PCDHGB2: variants seen among roughly 807,000 people sequenced by gnomAD.
PCDHGB2 encodes the protein protocadherin gamma-B2.
Under a neutral mutation model 59.3 loss-of-function variants are expected in PCDHGB2, and 55 were observed. That is an observed-to-expected ratio of 0.93 (90% CI 0.75 to 1.16). The LOEUF (loss-of-function observed/expected upper bound fraction) is 1.16, where lower values mean the gene tolerates loss of function less well. PCDHGB2 is among the 50% of genes most tolerant of loss of function. The probability of loss-of-function intolerance (pLI) is 0.00; values close to 1 mark genes in which losing one functional copy is unlikely to be tolerated. For synonymous variants in PCDHGB2, 516 were observed against 512.0 expected (o/e 1.01, Z -0.11); for missense variants, 1,228 against 1,198.5 (o/e 1.02, Z -0.36).
At chr5:141,478,733 T>C (rs1562072874) in intron 1 of PCDHGB2, 8 of 1,537,128 alleles carry the variant, frequency 5.2e-6, no homozygotes, top group Non-Finnish European at 7.0e-6. Context: ...AGAGTGTGGT[T>C]TGTGGTCCCA....
chr5:141,382,218 T>C (rs188591705), intron 1 of PCDHGB2, among the ~76,000 whole-genome samples: 1 of 152,328 alleles, frequency 6.6e-6, no homozygotes, highest in East Asian at 1.9e-4. Flanking sequence ...TAGGTCTATA[T>C]ATTTTACAAC....
chr5:141,403,341 C>T (rs1279947533), intron 1 of PCDHGB2: 1 of 1,613,988 alleles, frequency 6.2e-7, no homozygotes, highest in Non-Finnish European at 8.5e-7. Flanking sequence ...AACGACAGCG[C>T]CCCAAAGTTC....
intron 1 of PCDHGB2, among the ~76,000 whole-genome samples, chr5:141,467,486 T>A (rs985186472): frequency 6.6e-6 from 1 of 152,242 alleles, no homozygotes; most frequent in Non-Finnish European, 1.5e-5. Flanking sequence ...GGTTTCCACA[T>A]TTAGATCCCT....
chr5:141,502,487 C>A (rs563658817), intron 2 of PCDHGB2, among the ~76,000 whole-genome samples: 1 of 152,182 alleles, frequency 6.6e-6, no homozygotes, highest in Non-Finnish European at 1.5e-5. Context: ...CACACTGGGA[C>A]TCATCTAACG....
chr5:141,416,063 A>G (rs546746824), intron 1 of PCDHGB2: 201 of 176,914 alleles, frequency 1.1e-3, no homozygotes, highest in Non-Finnish European at 1.8e-3. Flanking sequence ...ATCCAAGAAT[A>G]CTCAATGCAG....
At chr5:141,386,994 AT>A (rs1291262145) in intron 1 of PCDHGB2, among the ~76,000 whole-genome samples, 1 of 152,224 alleles carries the variant, frequency 6.6e-6, no homozygotes, top group Non-Finnish European at 1.5e-5. Flanking sequence ...GCTATGTATT[AT>A]CCCCCTGATA....
intron 1 of PCDHGB2, among the ~76,000 whole-genome samples, chr5:141,435,715 A>T (rs528951395): frequency 5.9e-5 from 9 of 152,210 alleles, no homozygotes; most frequent in Non-Finnish European, 1.0e-4. Context: ...ACAGACACTG[A>T]ATGCTAAAGT....
rs754836894 is a variant in PCDHGB2, at chr5:141,432,969, C to A, written c.2422-61838C>A. 6.2e-7 allele frequency: 1 copy of A among 1,614,148 alleles called. No individual in the cohort carries two copies. Among genetic ancestry groups the A allele is most frequent in the East Asian group, 2.2e-5 (1 of 44,852 alleles). ...GGAGGCGGCTTGACAGGAGCGCCGG[C>A]GTCGCACTTTGTGGGCGTGGACGGG... is the stretch of plus-strand genomic sequence containing the variant. On this transcript the variant is annotated intron_variant, in intron 1 of 3. Coordinates refer to ENST00000522605, the MANE Select transcript of PCDHGB2 (RefSeq NM_018923.3). This position sits in a 1 kb window ranked among gnomAD's most constrained non-coding sequence, Gnocchi z 6.0.
At chr5:141,426,586 G>A (rs2096944939) in intron 1 of PCDHGB2, 1 of 363,442 alleles carries the variant, frequency 2.8e-6, no homozygotes, top group African/African-American at 2.1e-5. Flanking sequence ...AAAATCCTCT[G>A]TGTCATACCC....
chr5:141,415,134 C>T (rs760482028), intron 1 of PCDHGB2: 10 of 1,613,552 alleles, frequency 6.2e-6, no homozygotes, highest in South Asian at 3.3e-5. Context: ...TCCAGGACCA[C>T]GGCCAGCCCC....
chr5:141,423,035 C>T (rs1220219512), intron 1 of PCDHGB2: 2 of 1,614,214 alleles, frequency 1.2e-6, no homozygotes, highest in Admixed American at 3.3e-5. Flanking sequence ...GGCCAGAACG[C>T]CTGGCTGTCC....
At position 141,505,378 on chromosome 5, in the gene PCDHGB2, C is replaced by T. The variant is rs376550639; in HGVS notation, c.2481-15C>T. 2 of 1,614,034 alleles carry T rather than the reference C, an allele frequency of 1.2e-6. No homozygotes were observed. The highest frequency in any genetic ancestry group is 2.2e-5 in the East Asian group (1 of 44,872). On this transcript the variant is annotated splice_polypyrimidine_tract_variant and intron_variant, in intron 2 of 3. Transcript: ENST00000522605. ...GGCCTGGGAGTCTGTGCTCACCATC[C>T]TACTCTCTCCCCAGCTCCCAAAATG...
intron 1 of PCDHGB2, chr5:141,422,116 T>A (rs753281558): frequency 2.5e-6 from 4 of 1,604,730 alleles, no homozygotes; most frequent in Non-Finnish European, 3.4e-6. Context: ...CCAATTGGAT[T>A]CACAAACTGG....
chr5:141,474,908 T>C (rs1016814167), intron 1 of PCDHGB2, among the ~76,000 whole-genome samples: 7 of 152,242 alleles, frequency 4.6e-5, no homozygotes, highest in African/African-American at 1.4e-4. Flanking sequence ...TGTTCAAGGA[T>C]ATACATCTCA....
Position 141,423,433 on chromosome 5 carries a change from A to G in PCDHGB2, c.2421+60877A>G, listed in dbSNP as rs746170494. ...GGCTTCTGAAGGCGGGTTGGCAGGT[A>G]TGCCCACGTCACATTTTGTAGGCGT... On this transcript the variant is annotated intron_variant, in intron 1 of 3. Coordinates refer to ENST00000522605, the MANE Select transcript of PCDHGB2 (RefSeq NM_018923.3). 3.1e-6 allele frequency: 5 copies of G among 1,614,010 alleles called. No homozygotes were observed. The East Asian group carries it at 8.9e-5, about 29-fold the overall frequency.
chr5:141,465,761 G>A (rs1040750106), intron 1 of PCDHGB2, among the ~76,000 whole-genome samples: 2 of 151,634 alleles, frequency 1.3e-5, no homozygotes, highest in African/African-American at 4.8e-5. Flanking sequence ...GTAAAGTCAT[G>A]TTTCATCTCT....
Position 141,491,657 on chromosome 5 carries a change from A to T in PCDHGB2, c.2422-3150A>T. 1.2e-6 allele frequency: 2 copies of T among 1,613,740 alleles called. No homozygotes were observed. Among genetic ancestry groups the T allele is most frequent in the Non-Finnish European group, 1.7e-6 (2 of 1,180,006 alleles). On this transcript the variant is annotated intron_variant, in intron 1 of 3. Transcript: ENST00000522605. The surrounding 1 kb of genome is among the most constrained non-coding windows in gnomAD (Gnocchi z 6.9). ...CCCACAGCTCTGGCGCTGGAGCCTG[A>T]CGCCATCCGGTCCCGCTCTAATACG...
intron 1 of PCDHGB2, chr5:141,409,980 C>T (rs2095343394): frequency 6.2e-7 from 1 of 1,613,322 alleles, no homozygotes; most frequent in Non-Finnish European, 8.5e-7. Context: ...AAGGTGGTAG[C>T]GGTGGACGCC....
chr5:141,374,627 G>A (rs955993144), intron 1 of PCDHGB2: 2 of 1,613,064 alleles, frequency 1.2e-6, no homozygotes, highest in African/African-American at 1.3e-5. Flanking sequence ...CTCAGTGGAC[G>A]TGCAAAGCGA....
Sources: gnomAD v4.1 joint callset for allele counts (sites outside exome capture counted in the v4.1 genomes callset) on GRCh38, gnomAD v4.1.1 for gene constraint, Gnocchi (gnomAD v3.1) non-coding constraint, MANE v1.5 for transcripts, NCBI Gene and HGNC (gene_info 2026-07-23, HGNC 2026-07-21) for gene names.